SVIL: variants seen among roughly 807,000 people sequenced by gnomAD.
SVIL encodes supervillin, also known as archvillin.
Under a neutral mutation model 240.4 loss-of-function variants are expected in SVIL, and 101 were observed. The observed-to-expected ratio is 0.42, with a 90% CI of 0.36 to 0.50. The LOEUF is 0.50. Among genes scored for constraint, SVIL ranks in the 20% least tolerant of loss-of-function variants. SVIL has a pLI of 0.01. For missense variants in SVIL, 2,512 were observed against 2,818.7 expected, an observed-to-expected ratio of 0.89 and a Z score of 2.46; for synonymous variants, 999 against 1,100.0, an observed-to-expected ratio of 0.91 and a Z score of 1.82.
At chr10:29,717,217 A>T (rs1264991092) in intron 1 of SVIL, among the ~76,000 whole-genome samples, 1 of 127,920 alleles carries the variant, frequency 7.8e-6, no homozygotes, top group Non-Finnish European at 1.6e-5. Flanking sequence ...TGGGCGACAG[A>T]GCAAGACTCT....
intron 35 of SVIL, 72 bp downstream of exon 35, chr10:29,463,420 T>G: frequency 1.3e-6 from 2 of 1,521,500 alleles, no homozygotes; most frequent in Non-Finnish European, 1.8e-6. Flanking sequence ...GGGAAGGGGG[T>G]CTCCTGGCTG....
intron 1 of SVIL, among the ~76,000 whole-genome samples, chr10:29,606,981 C>T (rs1336809306): frequency 1.3e-5 from 2 of 152,166 alleles, no homozygotes; most frequent in Non-Finnish European, 2.9e-5. Context: ...CCTCAAACTC[C>T]TGACCTCAGG....
At chr10:29,473,769 G>C in intron 30 of SVIL, 69 bp downstream of exon 30, 1 of 1,600,904 alleles carries the variant, frequency 6.2e-7, no homozygotes, top group East Asian at 2.2e-5. Flanking sequence ...GGACCAGGCC[G>C]AGTGCCATCG....
intron 6 of SVIL, among the ~76,000 whole-genome samples, chr10:29,542,750 C>T: frequency 6.6e-6 from 1 of 152,180 alleles, no homozygotes; most frequent in East Asian, 1.9e-4. Flanking sequence ...TAACACAAAG[C>T]AGGTCTTATT....
chr10:29,617,898 C>T (rs1164176975), intron 1 of SVIL, among the ~76,000 whole-genome samples: 1 of 152,158 alleles, frequency 6.6e-6, no homozygotes, highest in Non-Finnish European at 1.5e-5. Context: ...AGACAGATGC[C>T]TGAAAGAACA....
At chr10:29,490,731 G>T (rs1186331295) in intron 22 of SVIL, 116 bp downstream of exon 22, 3 of 1,268,258 alleles carry the variant, frequency 2.4e-6, no homozygotes, top group East Asian at 2.4e-5. Flanking sequence ...TTTACTTCAT[G>T]AGGGTCTTCT....
At chr10:29,492,444 G>C (rs1362566053) in intron 21 of SVIL, among the ~76,000 whole-genome samples, 1 of 152,056 alleles carries the variant, frequency 6.6e-6, no homozygotes, top group Non-Finnish European at 1.5e-5. Flanking sequence ...GTGTTCTGAG[G>C]GGCCTCTAGA....
intron 1 of SVIL, among the ~76,000 whole-genome samples, chr10:29,589,741 A>G (rs1281744378): frequency 2.0e-5 from 3 of 152,198 alleles, no homozygotes; most frequent in Non-Finnish European, 4.4e-5. Context: ...ACCTTGATCT[A>G]CCTGGATGTT....
chr10:29,478,242 T>C (rs866702136), intron 29 of SVIL, among the ~76,000 whole-genome samples: 41 of 152,240 alleles, frequency 2.7e-4, no homozygotes, highest in African/African-American at 8.4e-4. Flanking sequence ...AGCAAAAGCG[T>C]AAGTCCACGA....
intron 3 of SVIL, among the ~76,000 whole-genome samples, chr10:29,560,196 C>G (rs1376987328): frequency 3.4e-4 from 52 of 152,180 alleles, no homozygotes; most frequent in Admixed American, 3.4e-3. Context: ...AATATAAAGA[C>G]AAGCAGCTCA....
chr10:29,687,635 C>T (rs750445802), intron 1 of SVIL, among the ~76,000 whole-genome samples: 8 of 152,164 alleles, frequency 5.3e-5, no homozygotes, highest in African/African-American at 9.7e-5. Context: ...ATCGCGCCAC[C>T]GCACTCCAGC....
intron 17 of SVIL, among the ~76,000 whole-genome samples, chr10:29,506,657 G>GAGGGAGGGGACAGAGGGCCTAA (rs1564534794): frequency 5.5e-5 from 5 of 90,904 alleles, no homozygotes; most frequent in African/African-American, 1.9e-4. Flanking sequence ...CAGAGGCCCT[G>GAGGGAGGGGACAGAGGGCCTAA]GAGGGAGGGG....
chr10:29,577,519 T>C (rs891137328), intron 1 of SVIL, among the ~76,000 whole-genome samples: 2 of 152,322 alleles, frequency 1.3e-5, no homozygotes, highest in South Asian at 4.1e-4. Context: ...TATCTCATTC[T>C]TTTTTTACGG....
intron 1 of SVIL, among the ~76,000 whole-genome samples, chr10:29,582,991 A>G (rs761356628): frequency 9.9e-5 from 15 of 152,182 alleles, no homozygotes; most frequent in East Asian, 1.9e-4. Context: ...TGGTTTTCAC[A>G]TGAACAGAAA....
At chr10:29,632,563 A>G (rs1958141938) in intron 1 of SVIL, among the ~76,000 whole-genome samples, 1 of 152,168 alleles carries the variant, frequency 6.6e-6, no homozygotes, top group African/African-American at 2.4e-5. Context: ...GTTCACTCTG[A>G]ATTGAACTCC....
intron 1 of SVIL, among the ~76,000 whole-genome samples, chr10:29,587,366 C>T (rs1213648368): frequency 6.6e-6 from 1 of 152,268 alleles, no homozygotes; most frequent in Admixed American, 6.5e-5. Context: ...CCAGCCTCCG[C>T]AGTCTGCCTA....
chr10:29,663,388 T>C (rs1489760789), intron 2 of SVIL, among the ~76,000 whole-genome samples: 1 of 152,192 alleles, frequency 6.6e-6, no homozygotes. Context: ...TATATTTCTT[T>C]TTTTTGTTTT....
chr10:29,548,448 T>C (rs140851970), intron 6 of SVIL, among the ~76,000 whole-genome samples: 6 of 152,358 alleles, frequency 3.9e-5, no homozygotes, highest in Non-Finnish European at 1.5e-5. Context: ...ACTTTTAATA[T>C]AGCCATCACA....
chr10:29,694,419 C>G (rs1961764282), intron 1 of SVIL, among the ~76,000 whole-genome samples: 1 of 151,282 alleles, frequency 6.6e-6, no homozygotes, highest in Admixed American at 6.6e-5. Context: ...TAAATTGATA[C>G]AGTTATTGTG....
Sources: gnomAD v4.1 joint callset for allele counts (sites outside exome capture counted in the v4.1 genomes callset) on GRCh38, gnomAD v4.1.1 for gene constraint, MANE v1.5 for transcripts, NCBI Gene and HGNC (gene_info 2026-07-23, HGNC 2026-07-21) for gene names.